RSRC1: variants seen among roughly 807,000 people sequenced by gnomAD.
RSRC1 encodes serine/Arginine-related protein 53.
RSRC1 carries 39 observed loss-of-function variants against 49.1 expected under a neutral mutation model. The observed-to-expected ratio is 0.79, with a 90% CI of 0.61 to 1.04. RSRC1 has a LOEUF of 1.04. Ranked by LOEUF, RSRC1 falls within the 50% of genes least tolerant of loss-of-function variation. The pLI is 0.00. For synonymous variants in RSRC1, 143 were observed against 130.8 expected, an observed-to-expected ratio of 1.09 and a Z score of -0.63; for missense variants, 388 against 402.4, an observed-to-expected ratio of 0.96 and a Z score of 0.31.
At chr3:158,200,885 T>C (rs1490570694) in intron 3 of RSRC1, among the ~76,000 whole-genome samples, 1 of 152,174 alleles carries the variant, frequency 6.6e-6, no homozygotes, top group Non-Finnish European at 1.5e-5. Context: ...TATATGTGTT[T>C]TAAATAAATT....
At chr3:158,327,497 G>A (rs1729235991) in intron 5 of RSRC1, among the ~76,000 whole-genome samples, 1 of 152,322 alleles carries the variant, frequency 6.6e-6, no homozygotes, top group Middle Eastern at 3.4e-3. Context: ...GTATCGAGTA[G>A]TCATTCAGGA....
intron 5 of RSRC1, among the ~76,000 whole-genome samples, chr3:158,331,123 A>G (rs1246675573): frequency 1.3e-5 from 2 of 152,192 alleles, no homozygotes; most frequent in African/African-American, 4.8e-5. Context: ...CCCTCCCACA[A>G]CACTTGGGAA....
chr3:158,531,277 A>T (rs1360792536), intron 7 of RSRC1, among the ~76,000 whole-genome samples: 1 of 151,868 alleles, frequency 6.6e-6, no homozygotes, highest in Non-Finnish European at 1.5e-5. Flanking sequence ...CACAAAGTGG[A>T]CATCAGGCAT....
At chr3:158,274,901 G>A (rs1725719921) in intron 4 of RSRC1, among the ~76,000 whole-genome samples, 1 of 152,172 alleles carries the variant, frequency 6.6e-6, no homozygotes, top group South Asian at 2.1e-4. Flanking sequence ...CACACAGTGG[G>A]TAACCCAAGA....
chr3:158,273,566 G>A (rs1056982141), intron 4 of RSRC1, among the ~76,000 whole-genome samples: 1 of 151,982 alleles, frequency 6.6e-6, no homozygotes, highest in Non-Finnish European at 1.5e-5. Flanking sequence ...TGTTAGCACT[G>A]AGGCCTATTT....
chr3:158,328,811 G>T (rs914914905), intron 5 of RSRC1, among the ~76,000 whole-genome samples: 1 of 152,098 alleles, frequency 6.6e-6, no homozygotes, highest in Non-Finnish European at 1.5e-5. Context: ...AAGTTCTCCT[G>T]GATAATATCC....
intron 4 of RSRC1, among the ~76,000 whole-genome samples, chr3:158,282,373 T>A (rs1265623777): frequency 6.6e-6 from 1 of 152,210 alleles, no homozygotes; most frequent in Non-Finnish European, 1.5e-5. Context: ...TCTGAGAGGA[T>A]GCTGTGAAGG....
intron 6 of RSRC1, among the ~76,000 whole-genome samples, chr3:158,361,492 T>C (rs1731470158): frequency 6.6e-6 from 1 of 152,142 alleles, no homozygotes; most frequent in African/African-American, 2.4e-5. Flanking sequence ...ACTACCGTTA[T>C]TGCTGGTCCC....
At chr3:158,311,833 T>C (rs540866717) in intron 5 of RSRC1, among the ~76,000 whole-genome samples, 6 of 152,156 alleles carry the variant, frequency 3.9e-5, no homozygotes, top group Non-Finnish European at 8.8e-5. Flanking sequence ...TTTAAATGTA[T>C]ATAATTTTTA....
At chr3:158,353,441 A>T (rs904417500) in intron 5 of RSRC1, among the ~76,000 whole-genome samples, 2 of 152,236 alleles carry the variant, frequency 1.3e-5, no homozygotes, top group Non-Finnish European at 2.9e-5. Context: ...AGTTGATCAC[A>T]AAAGCCAGTA....
At chr3:158,475,416 A>G (rs563176134) in intron 7 of RSRC1, among the ~76,000 whole-genome samples, 4 of 152,308 alleles carry the variant, frequency 2.6e-5, no homozygotes, top group African/African-American at 9.6e-5. Context: ...CTTGGCAATA[A>G]TGATTGCACT....
intron 6 of RSRC1, among the ~76,000 whole-genome samples, chr3:158,373,286 G>A (rs1252781373): frequency 6.6e-6 from 1 of 151,830 alleles, no homozygotes; most frequent in African/African-American, 2.4e-5. Context: ...GTGTAAGAGT[G>A]GATATCCTTC....
chr3:158,410,498 G>A (rs1734401481), intron 6 of RSRC1, among the ~76,000 whole-genome samples: 1 of 152,052 alleles, frequency 6.6e-6, no homozygotes, highest in Non-Finnish European at 1.5e-5. Flanking sequence ...TTTCATGATT[G>A]TCTGATGTTT....
In RSRC1 at chr3:158,513,644, G is replaced by C. The variant is rs1367156467; in HGVS notation, c.653-23448G>C. Among the ~76,000 whole-genome samples, 4 of 152,292 alleles carry C rather than the reference G, an allele frequency of 2.6e-5. No homozygotes were observed. The East Asian group carries it at 7.7e-4, about 29-fold the overall frequency. On this transcript the variant is annotated intron_variant, in intron 7 of 9. Transcript: ENST00000611884. ...TGCTGGCCTCATAAAATGAGTTAGG[G>C]AGGATTCCCTCTTTTTCTATTGATT...
At chr3:158,436,478 A>G (rs1440252590) in intron 6 of RSRC1, among the ~76,000 whole-genome samples, 1 of 152,006 alleles carries the variant, frequency 6.6e-6, no homozygotes, top group Non-Finnish European at 1.5e-5. Flanking sequence ...TTAAAAGTAC[A>G]TGTGCCCACA....
intron 5 of RSRC1, among the ~76,000 whole-genome samples, chr3:158,343,422 G>C (rs1286074926): frequency 3.3e-5 from 5 of 151,906 alleles, no homozygotes; most frequent in Non-Finnish European, 7.4e-5. Flanking sequence ...ATGACCAAAG[G>C]CAAGAAAATA....
chr3:158,243,398 G>A (rs1213165177), intron 4 of RSRC1, among the ~76,000 whole-genome samples: 2 of 152,024 alleles, frequency 1.3e-5, no homozygotes, highest in Non-Finnish European at 2.9e-5. Context: ...CTCTTCCATT[G>A]GTCTGTGTGT....
chr3:158,132,121 C>G (rs1249873782), intron 3 of RSRC1: 8 of 448,784 alleles, frequency 1.8e-5, no homozygotes, highest in Non-Finnish European at 3.2e-5. Context: ...GTAGCTGGGA[C>G]TACAGGTACA....
At chr3:158,406,506 T>C (rs1734168265) in intron 6 of RSRC1, among the ~76,000 whole-genome samples, 1 of 152,108 alleles carries the variant, frequency 6.6e-6, no homozygotes, top group African/African-American at 2.4e-5. Flanking sequence ...ATTAAGAAAA[T>C]TGATACAGTA....
Sources: allele counts gnomAD v4.1 joint callset (sites outside exome capture counted in the v4.1 genomes callset), GRCh38; gene constraint gnomAD v4.1.1; transcripts MANE v1.5; gene names NCBI Gene and HGNC (gene_info 2026-07-23, HGNC 2026-07-21).